The following DIS3L variants were observed in gnomAD, a reference collection of about 807,000 sequenced individuals.
DIS3L encodes DIS3-like exonuclease 1.
A neutral mutation model predicts 120.3 loss-of-function variants in DIS3L; 100 were observed. The ratio of observed to expected loss-of-function variants is 0.83; its 90% CI spans 0.71 to 0.98. The LOEUF is 0.98. Among genes scored for constraint, DIS3L ranks in the 50% least tolerant of loss-of-function variants. The probability of loss-of-function intolerance (pLI) is 0.00; values close to 1 mark genes in which losing one functional copy is unlikely to be tolerated. For synonymous variants in DIS3L, 426 were observed against 470.6 expected (o/e 0.91, Z 1.23); for missense variants, 1,196 against 1,314.2 (o/e 0.91, Z 1.39).
intron 2 of DIS3L, among the ~76,000 whole-genome samples, chr15:66,296,588 C>T (rs1320984127): frequency 6.7e-6 from 1 of 150,206 alleles, no homozygotes; most frequent in Non-Finnish European, 1.5e-5. Flanking sequence ...GTGATTTCGG[C>T]TCACAGGTCA....
At position 66,293,667 on chromosome 15, in the gene DIS3L, A is replaced by AGCACTACCTGCG; in HGVS notation, c.74_85dup (p.His25_Arg28dup). Reference sequence around the variant, plus strand: ...GGCCGCACGCTGCGGATCGTGCGCGAGCACTACCTGCGGCCCTGCGTGCCC... The same window carrying AGCACTACCTGCG: ...GGCCGCACGCTGCGGATCGTGCGCGAGCACTACCTGCGGCACTACCTGCGGCCCTGCGTGCCC... On this transcript the variant is annotated inframe_insertion, in exon 1 of 17. Transcript: ENST00000319212. 7.0e-7 allele frequency: 1 copy of AGCACTACCTGCG among 1,426,420 alleles called. No individual in the cohort carries two copies. Among genetic ancestry groups the AGCACTACCTGCG allele is most frequent in the Non-Finnish European group, 9.2e-7 (1 of 1,089,000 alleles). The allele number at this position is 1,426,420 out of a possible 1,614,324, so 88.4% of individuals were successfully genotyped here. A position where few individuals can be genotyped will look rare whatever the true frequency, so the allele number is the denominator to read the frequency against.
At chr15:66,296,754 C>T (rs1831383236) in intron 2 of DIS3L, among the ~76,000 whole-genome samples, 1 of 152,092 alleles carries the variant, frequency 6.6e-6, no homozygotes, top group African/African-American at 2.4e-5. Flanking sequence ...GAACTCCTTA[C>T]CTCATGATCC....
chr15:66,294,078 C>A, intron 1 of DIS3L: 2 of 986,154 alleles, frequency 2.0e-6, no homozygotes, highest in South Asian at 9.4e-5. Context: ...AACCTCGCGC[C>A]GTGGAGAAAT....
intron 2 of DIS3L, among the ~76,000 whole-genome samples, chr15:66,300,780 G>A (rs966305793): frequency 9.2e-5 from 14 of 152,144 alleles, no homozygotes; most frequent in African/African-American, 2.9e-4. Flanking sequence ...AGTCAAGGTC[G>A]AGAGTTTGAA....
intron 1 of DIS3L, chr15:66,294,275 G>T: frequency 2.0e-6 from 2 of 985,498 alleles, no homozygotes; most frequent in Non-Finnish European, 1.2e-6. Flanking sequence ...TGGAGCGGAA[G>T]GTCACGGGGA....
In DIS3L at chr15:66,317,048, T is replaced by G. The variant is rs758710018; in HGVS notation, c.995-1401T>G. On this transcript the variant is annotated intron_variant, in intron 7 of 16. Coordinates refer to ENST00000319212, the MANE Select transcript of DIS3L (RefSeq NM_001143688.3). Reference sequence around the variant, plus strand: ...TGGATGAAGCTTTCCCCAAATATCCTCACATCTGTTTTCCTCACTTCCCTC... The same window carrying G: ...TGGATGAAGCTTTCCCCAAATATCCGCACATCTGTTTTCCTCACTTCCCTC... Among the ~76,000 whole-genome samples the G allele has an allele frequency of 7.6e-4, 115 of 152,276 alleles. 1 individual carries two copies. Among genetic ancestry groups the G allele is most frequent in the Non-Finnish European group, 1.2e-3 (84 of 68,020 alleles).
intron 2 of DIS3L, among the ~76,000 whole-genome samples, chr15:66,296,640 CA>C (rs1467008956): frequency 2.0e-5 from 3 of 151,864 alleles, no homozygotes; most frequent in African/African-American, 7.3e-5. Flanking sequence ...TCTCCTGCCT[CA>C]GCCTCCTGAG....
At position 66,333,474 on chromosome 15, in the gene DIS3L, T is replaced by G. The variant is rs2093025050; in HGVS notation, c.*162T>G. 1.4e-6 allele frequency: 1 copy of G among 700,050 alleles called. No individual in the cohort carries two copies. Among genetic ancestry groups the G allele is most frequent in the African/African-American group, 1.8e-5 (1 of 55,046 alleles). 43.4% of individuals were successfully genotyped at this position (700,050 alleles called of 1,614,324 possible). ...AGCCGGGCACGGTGGCTCACGCCTG[T>G]AACCCCAGCACTTTGGGAGGCTGAG... On this transcript the variant is annotated 3_prime_UTR_variant, in exon 17 of 17. Transcript: ENST00000319212.
chr15:66,327,816 C>G (rs1467764081), intron 12 of DIS3L, among the ~76,000 whole-genome samples: 1 of 152,122 alleles, frequency 6.6e-6, no homozygotes, highest in African/African-American at 2.4e-5. Context: ...AATCCTAGCA[C>G]TTTGGGAGGC....
Position 66,295,148 on chromosome 15 carries a change from G to C in DIS3L, c.293+7G>C. 1 of 1,612,068 alleles carries C rather than the reference G, an allele frequency of 6.2e-7. No homozygotes were observed. The highest frequency in any genetic ancestry group is 1.1e-5 in the South Asian group (1 of 90,928). On this transcript the variant is annotated splice_region_variant and intron_variant, in intron 2 of 16. Transcript: ENST00000319212. ...AGCATCAAAGAGGCAGGAGGTATAC[G>C]TTTTGCATTCTTTATTTCTATATGG...
chr15:66,314,648 G>A (rs1042316520), intron 6 of DIS3L, among the ~76,000 whole-genome samples: 5 of 152,154 alleles, frequency 3.3e-5, no homozygotes, highest in African/African-American at 9.7e-5. Flanking sequence ...TCCCCCTGTC[G>A]GTTCTGCCCT....
chr15:66,324,468 C>T (rs1314219870), intron 11 of DIS3L, among the ~76,000 whole-genome samples: 1 of 152,162 alleles, frequency 6.6e-6, no homozygotes, highest in Non-Finnish European at 1.5e-5. Flanking sequence ...CCACCATGCC[C>T]AGACCATTTC....
intron 9 of DIS3L, among the ~76,000 whole-genome samples, chr15:66,321,985 A>G (rs899891312): frequency 1.3e-5 from 2 of 152,202 alleles, no homozygotes; most frequent in Non-Finnish European, 2.9e-5. Context: ...TATTTTCATT[A>G]AAGTTTTTCA....
At chr15:66,302,615 C>T (rs1421090689) in intron 2 of DIS3L, among the ~76,000 whole-genome samples, 1 of 152,136 alleles carries the variant, frequency 6.6e-6, no homozygotes, top group Admixed American at 6.5e-5. Context: ...TCTGCTGTCT[C>T]GCACATTCCG....
intron 9 of DIS3L, among the ~76,000 whole-genome samples, chr15:66,322,038 C>T (rs2092889777): frequency 6.6e-6 from 1 of 152,110 alleles, no homozygotes; most frequent in African/African-American, 2.4e-5. Context: ...GAATATTTTA[C>T]ATCATTAAAT....
intron 12 of DIS3L, among the ~76,000 whole-genome samples, chr15:66,327,767 A>G (rs1350669226): frequency 6.6e-6 from 1 of 151,346 alleles, no homozygotes; most frequent in Non-Finnish European, 1.5e-5. Flanking sequence ...TAAATAAATA[A>G]AAACTAAGTA....
At chr15:66,307,483 G>T (rs1441906104) in intron 3 of DIS3L, among the ~76,000 whole-genome samples, 1 of 151,920 alleles carries the variant, frequency 6.6e-6, no homozygotes, top group Non-Finnish European at 1.5e-5. Context: ...TGTATATTTT[G>T]TAGAAACGGG....
rs1157586500 is a variant in DIS3L at position 66,320,692 on chromosome 15, T to C, written c.1286T>C (p.Val429Ala). 3 of 1,614,046 alleles carry C rather than the reference T, an allele frequency of 1.9e-6. No homozygotes were observed. The highest frequency in any genetic ancestry group is 2.2e-5 in the East Asian group (1 of 44,882). ...DLEGEIATIL[V>A]ENSISVIPFS... ...GAAGGGGAAATTGCAACCATCCTGGTGGAAAACAGTATTTCAGTTATTCCT... is the reference window on the plus strand; with the variant it reads ...GAAGGGGAAATTGCAACCATCCTGGCGGAAAACAGTATTTCAGTTATTCCT... The change falls in exon 9 of 17, where the codon GTG becomes GCG. Residue 429 changes from valine (V) to alanine (A), a missense_variant. Coordinates refer to ENST00000319212, the MANE Select transcript of DIS3L (RefSeq NM_001143688.3).
Position 66,298,179 on chromosome 15 carries a change from C to CAAA in DIS3L, c.293+3063_293+3065dup, listed in dbSNP as rs11419116. Among the ~76,000 whole-genome samples the CAAA allele has an allele frequency of 7.4e-4, 34 of 45,976 alleles. 1 individual carries two copies. Among genetic ancestry groups the CAAA allele is most frequent in the South Asian group, 1.3e-3 (1 of 746 alleles). The allele number at this position is 45,976 out of a possible 152,430, so 30.2% of individuals were successfully genotyped here. ...GGGCAACAAAAGCAAGACTCCGTCT[C>CAAA]AAAAAAAAAAAAAAAAAAAAAAAAA... is the stretch of plus-strand genomic sequence containing the variant. On this transcript the variant is annotated intron_variant, in intron 2 of 16. Coordinates refer to ENST00000319212, the MANE Select transcript of DIS3L (RefSeq NM_001143688.3).
Sources: gnomAD v4.1 joint callset for allele counts (sites outside exome capture counted in the v4.1 genomes callset) on GRCh38, gnomAD v4.1.1 for gene constraint, MANE v1.5 for transcripts, NCBI Gene and HGNC (gene_info 2026-07-23, HGNC 2026-07-21) for gene names.